The following EXOC6 variants were observed in gnomAD, a reference collection of about 807,000 sequenced individuals.
The protein encoded by EXOC6 is SEC15-like 1.
Under a neutral mutation model 112.5 loss-of-function variants are expected in EXOC6, and 60 were observed. The observed-to-expected ratio is 0.53, with a 90% CI of 0.43 to 0.66. The LOEUF is 0.66. EXOC6 is among the 30% of genes least tolerant of loss of function. EXOC6 has a pLI of 0.00. For missense variants in EXOC6, 855 were observed against 957.1 expected, an observed-to-expected ratio of 0.89 and a Z score of 1.41; for synonymous variants, 295 against 308.0, an observed-to-expected ratio of 0.96 and a Z score of 0.44.
chr10:92,843,777 C>T (rs1342437293), upstream of EXOC6, among the ~76,000 whole-genome samples: 1 of 151,996 alleles, frequency 6.6e-6, no homozygotes, highest in Non-Finnish European at 1.5e-5. Flanking sequence ...ATCACGATGT[C>T]AGGAGTTCAA....
At position 92,934,413 on chromosome 10, in the gene EXOC6, G is replaced by A; in HGVS notation, c.1123G>A (p.Val375Ile). Residue 375 changes from valine (V) to isoleucine (I), a missense_variant, in exon 11 of 22, where the codon GTC (valine) becomes ATC (isoleucine). This residue lies in a region of EXOC6 where 450 missense variants were observed against 563.5 expected (regional missense o/e 0.80). Transcript: ENST00000260762. ...WNMALSKIIA[V>I]LRAHSSYCTD... is the part of the protein sequence containing the mutation. ...CATGGCCCTCTCAAAGATAATTGCT[G>A]TCCTTAGAGCTCATTCAGTAAGTCA... 6.3e-7 allele frequency: 1 copy of A among 1,593,480 alleles called. No individual in the cohort carries two copies. Among genetic ancestry groups the A allele is most frequent in the Non-Finnish European group, 8.5e-7 (1 of 1,172,374 alleles).
At chr10:92,931,409 ATAAT>A (rs1852030536) in intron 9 of EXOC6, among the ~76,000 whole-genome samples, 1 of 151,450 alleles carries the variant, frequency 6.6e-6, no homozygotes, top group South Asian at 2.1e-4. Flanking sequence ...TTGACATATA[ATAAT>A]TGTACATATC....
intron 1 of EXOC6, among the ~76,000 whole-genome samples, chr10:92,890,455 T>G (rs748378465): frequency 3.9e-5 from 6 of 152,174 alleles, no homozygotes; most frequent in Non-Finnish European, 7.3e-5. Context: ...TAGACACTAT[T>G]CTAGGGCTGG....
upstream of EXOC6, chr10:92,834,670 TATAAATTACAACAG>T (rs1589666039): frequency 8.7e-6 from 11 of 1,267,880 alleles, no homozygotes; most frequent in Admixed American, 6.7e-5. Flanking sequence ...TTTTTTTTTT[TATAAATTACAACAG>T]TTTTTCACTC....
intron 18 of EXOC6, among the ~76,000 whole-genome samples, chr10:92,976,303 G>T (rs961557196): frequency 3.3e-5 from 5 of 152,192 alleles, no homozygotes; most frequent in African/African-American, 1.2e-4. Flanking sequence ...GTAGACATGA[G>T]AGACTTTTCA....
chr10:93,018,364 G>C (rs531538375), intron 20 of EXOC6, among the ~76,000 whole-genome samples: 1 of 151,924 alleles, frequency 6.6e-6, no homozygotes, highest in South Asian at 2.1e-4. Context: ...AAAAGTACAC[G>C]TACATAAGTT....
intron 6 of EXOC6, among the ~76,000 whole-genome samples, chr10:92,910,163 A>G (rs575927171): frequency 8.3e-4 from 126 of 152,350 alleles, no homozygotes; most frequent in Admixed American, 2.1e-3. Context: ...ACAAAAAAAC[A>G]TGGGCTCACG....
chr10:92,842,288 G>C (rs780563925), intron 1 of EXOC6, among the ~76,000 whole-genome samples: 1 of 151,132 alleles, frequency 6.6e-6, no homozygotes, highest in Non-Finnish European at 1.5e-5. Context: ...GAACCCGCGA[G>C]GTGGAGGTTG....
chr10:92,884,169 G>GA (rs1372101448), intron 1 of EXOC6, among the ~76,000 whole-genome samples: 1 of 152,174 alleles, frequency 6.6e-6, no homozygotes, highest in Non-Finnish European at 1.5e-5. Context: ...AAAGTGCTGG[G>GA]ATTACAGGCT....
intron 1 of EXOC6, among the ~76,000 whole-genome samples, chr10:92,869,814 A>T (rs888328972): frequency 6.6e-6 from 1 of 152,102 alleles, no homozygotes; most frequent in Non-Finnish European, 1.5e-5. Context: ...CTTAAACCTT[A>T]GATTGCTTTC....
intron 1 of EXOC6, among the ~76,000 whole-genome samples, chr10:92,835,136 A>G (rs946729577): frequency 3.3e-5 from 5 of 152,240 alleles, no homozygotes; most frequent in South Asian, 4.1e-4. Flanking sequence ...CATATCACTT[A>G]GTGAAAAACA....
rs1226847571 is a variant in EXOC6, at chr10:92,948,310, T to C, written c.1347T>C (p.Pro449=). Reference sequence around the variant, plus strand: ...AAGAAGATAATTACAGCCCCATCCCTGTTGTCAATGAAGAAGAATATAAAA... The same window carrying C: ...AAGAAGATAATTACAGCCCCATCCCCGTTGTCAATGAAGAAGAATATAAAA... The part of the protein sequence containing the change: ...IFEEDNYSPI[P]VVNEEEYKIV... Residue 449 remains proline (P), a synonymous_variant, in exon 14 of 22, where the codon CCT becomes CCC. Coordinates refer to ENST00000260762, the MANE Select transcript of EXOC6 (RefSeq NM_019053.6). 6 of 1,609,538 alleles carry C rather than the reference T, an allele frequency of 3.7e-6. No homozygotes were observed. The Admixed American group carries it at 1.0e-4, about 27-fold the overall frequency.
At chr10:92,930,932 T>A (rs951089612) in intron 9 of EXOC6, among the ~76,000 whole-genome samples, 3 of 151,784 alleles carry the variant, frequency 2.0e-5, no homozygotes, top group Non-Finnish European at 4.4e-5. Context: ...GCAAACATGG[T>A]GAAACCCCGT....
chr10:93,036,166 C>T (rs1466135105), intron 20 of EXOC6, among the ~76,000 whole-genome samples: 3 of 149,108 alleles, frequency 2.0e-5, no homozygotes, highest in South Asian at 2.1e-4. Flanking sequence ...TGCAGTGAGC[C>T]GAGATCACAC....
At chr10:92,899,695 T>C in intron 5 of EXOC6, 51 bp downstream of exon 5, 1 of 1,294,838 alleles carries the variant, frequency 7.7e-7, no homozygotes, top group Non-Finnish European at 1.1e-6. Flanking sequence ...TTTCTATTAT[T>C]GAAAGGACAG....
chr10:92,857,988 G>A (rs957022081), intron 1 of EXOC6, among the ~76,000 whole-genome samples: 4 of 139,600 alleles, frequency 2.9e-5, no homozygotes, highest in Non-Finnish European at 4.6e-5. Flanking sequence ...TTGAAAGATA[G>A]TTTTACCATA....
At chr10:92,921,152 A>T (rs1474652100) in intron 8 of EXOC6, among the ~76,000 whole-genome samples, 1 of 150,730 alleles carries the variant, frequency 6.6e-6, no homozygotes, top group Non-Finnish European at 1.5e-5. Flanking sequence ...AACATGTCTT[A>T]TATCTTTTTT....
chr10:92,988,905 C>G (rs1034402653), intron 18 of EXOC6, among the ~76,000 whole-genome samples: 2 of 152,040 alleles, frequency 1.3e-5, no homozygotes, highest in African/African-American at 4.8e-5. Context: ...TTGGATCTAT[C>G]TTGGATTTTC....
At chr10:92,856,645 A>G (rs550324237) in intron 1 of EXOC6, among the ~76,000 whole-genome samples, 182 of 152,280 alleles carry the variant, frequency 1.2e-3, no homozygotes, top group African/African-American at 4.2e-3. Flanking sequence ...TGTTCCCTTG[A>G]GAAGACTGTG....
Sources: allele counts gnomAD v4.1 joint callset (sites outside exome capture counted in the v4.1 genomes callset), GRCh38; gene constraint gnomAD v4.1.1; regional missense constraint gnomAD v4.1.1; transcripts MANE v1.5; gene names NCBI Gene and HGNC (gene_info 2026-07-23, HGNC 2026-07-21).